RAD54L2: variants seen among roughly 807,000 people sequenced by gnomAD.
RAD54L2 encodes the protein RAD54 like 2, also known as helicase ARIP4.
A neutral mutation model predicts 138.4 loss-of-function variants in RAD54L2; 27 were observed. The ratio of observed to expected loss-of-function variants is 0.20; its 90% CI spans 0.14 to 0.27. The LOEUF is 0.27. Among genes scored for constraint, RAD54L2 ranks in the 10% least tolerant of loss-of-function variants. RAD54L2 has a pLI of 1.00. For synonymous variants in RAD54L2, 644 were observed against 723.2 expected, an observed-to-expected ratio of 0.89 and a Z score of 1.76; for missense variants, 1,396 against 1,890.2, an observed-to-expected ratio of 0.74 and a Z score of 4.85.
intron 2 of RAD54L2, among the ~76,000 whole-genome samples, chr3:51,561,104 C>T (rs778555679): frequency 6.6e-6 from 1 of 152,186 alleles, no homozygotes; most frequent in Non-Finnish European, 1.5e-5. Context: ...CCAGGTTGCC[C>T]TATGTTCTTG....
chr3:51,582,718 G>C (rs932542982), intron 2 of RAD54L2, among the ~76,000 whole-genome samples: 16 of 151,916 alleles, frequency 1.1e-4, no homozygotes, highest in Non-Finnish European at 2.2e-4. Context: ...TCCTGTAGGG[G>C]TGTGCTATTC....
intron 22 of RAD54L2, among the ~76,000 whole-genome samples, chr3:51,660,850 G>A (rs767330673): frequency 4.5e-4 from 68 of 151,736 alleles, no homozygotes; most frequent in Middle Eastern, 3.2e-3. Flanking sequence ...TCGAACTCCT[G>A]ACCTCGGGAT....
intron 2 of RAD54L2, among the ~76,000 whole-genome samples, chr3:51,561,623 G>C (rs1320912824): frequency 1.3e-5 from 2 of 151,142 alleles, no homozygotes; most frequent in East Asian, 3.9e-4. Flanking sequence ...GTGCAGTGTT[G>C]CAATCACGGC....
chr3:51,556,605 TC>T (rs1308588304), intron 2 of RAD54L2, among the ~76,000 whole-genome samples: 4 of 151,976 alleles, frequency 2.6e-5, no homozygotes, highest in African/African-American at 9.7e-5. Flanking sequence ...AGACAGAGTT[TC>T]GCTCTTGTTG....
At chr3:51,582,054 G>A (rs899498260) in intron 2 of RAD54L2, among the ~76,000 whole-genome samples, 1 of 151,920 alleles carries the variant, frequency 6.6e-6, no homozygotes, top group Admixed American at 6.6e-5. Context: ...CTATAGGTGG[G>A]CACTAGCATG....
At chr3:51,630,986 C>T (rs1559643824) in intron 7 of RAD54L2, 55 bp downstream of exon 7, 1 of 1,507,900 alleles carries the variant, frequency 6.6e-7, no homozygotes, top group African/African-American at 1.4e-5. Flanking sequence ...TTGTTGTGAA[C>T]ATTGCCTGCT....
At chr3:51,620,069 T>C (rs975142195) in intron 3 of RAD54L2, among the ~76,000 whole-genome samples, 1 of 151,894 alleles carries the variant, frequency 6.6e-6, no homozygotes, top group Non-Finnish European at 1.5e-5. Context: ...AGGAGAAATA[T>C]GGTGAGACTT....
intron 21 of RAD54L2, 27 bp downstream of exon 21, chr3:51,657,696 C>A (rs1453818595): frequency 8.8e-6 from 13 of 1,480,894 alleles, no homozygotes; most frequent in Non-Finnish European, 1.2e-5. Flanking sequence ...GGACCTGTTC[C>A]CTGCCTTTGG....
intron 16 of RAD54L2, among the ~76,000 whole-genome samples, chr3:51,644,484 T>C (rs941193736): frequency 6.6e-6 from 1 of 151,862 alleles, no homozygotes; most frequent in African/African-American, 2.4e-5. Context: ...AACAACAAAA[T>C]ACCCAAGAGT....
At chr3:51,626,052 A>G (rs939252197) in intron 3 of RAD54L2, among the ~76,000 whole-genome samples, 9 of 151,934 alleles carry the variant, frequency 5.9e-5, no homozygotes, top group African/African-American at 2.2e-4. Flanking sequence ...TTAAAAGCAA[A>G]CAATAAGCCA....
chr3:51,648,538 T>C (rs532777665), intron 19 of RAD54L2, among the ~76,000 whole-genome samples: 1 of 152,186 alleles, frequency 6.6e-6, no homozygotes, highest in East Asian at 1.9e-4. Context: ...TGGGAGACAC[T>C]TCCCAGTAGG....
At chr3:51,580,107 A>T (rs896344674) in intron 2 of RAD54L2, among the ~76,000 whole-genome samples, 10 of 152,136 alleles carry the variant, frequency 6.6e-5, no homozygotes, top group African/African-American at 2.4e-4. Flanking sequence ...CCCCCACTTT[A>T]GACACTAGTC....
In RAD54L2 at chr3:51,638,141, T is replaced by C. The variant is rs774612460; in HGVS notation, c.1683-3T>C. On this transcript the variant is annotated splice_polypyrimidine_tract_variant and splice_region_variant and intron_variant, in intron 11 of 22. Coordinates refer to ENST00000684192, the MANE Select transcript of RAD54L2 (RefSeq NM_015106.4). The surrounding 1 kb of genome is among the most constrained non-coding windows in gnomAD (Gnocchi z 4.3). ...GCCGTTTCTGTTCTGTTTGCCTCCATAGGAGAGGCCACACTGTGCTGAAGA... is the reference window on the plus strand; with the variant it reads ...GCCGTTTCTGTTCTGTTTGCCTCCACAGGAGAGGCCACACTGTGCTGAAGA... 1.5e-5 allele frequency: 24 copies of C among 1,612,882 alleles called. No individual in the cohort carries two copies. Among genetic ancestry groups the C allele is most frequent in the Non-Finnish European group, 1.8e-5 (21 of 1,179,272 alleles).
rs1701814857 is a variant in RAD54L2 at position 51,662,778 on chromosome 3, C to G, written c.3762C>G (p.His1254Gln). 1 of 1,610,844 alleles carries G rather than the reference C, an allele frequency of 6.2e-7. No individual in the cohort carries two copies. The highest frequency in any genetic ancestry group is 1.7e-5 in the Admixed American group (1 of 59,608). The change falls in exon 23 of 23, where the codon CAC becomes CAG. Residue 1254 changes from histidine (H) to glutamine (Q), a missense_variant. Physicochemically the swap from His to Gln is conservative, Grantham distance 24. Around this residue, in one of 7 missense-constraint regions of RAD54L2, gnomAD observed 634 missense variants for 711.2 expected, o/e 0.89. Coordinates refer to ENST00000684192, the MANE Select transcript of RAD54L2 (RefSeq NM_015106.4). This position sits in a 1 kb window ranked among gnomAD's most constrained non-coding sequence, Gnocchi z 4.6. ...ACCCAGTGCTGGACTTAAGGGGCCA[C>G]AAGCGAAAGTTGGCCACACCACCTG... ...DRHPVLDLRG[H>Q]KRKLATPPAA...
chr3:51,629,277 A>G, intron 4 of RAD54L2, 57 bp from the exon 5 acceptor site: 3 of 1,528,638 alleles, frequency 2.0e-6, no homozygotes, highest in Non-Finnish European at 1.8e-6. Flanking sequence ...TTAGCTTGCC[A>G]TTACATTGCC....
chr3:51,574,881 T>C (rs1294060187), intron 2 of RAD54L2, among the ~76,000 whole-genome samples: 1 of 152,250 alleles, frequency 6.6e-6, no homozygotes, highest in Non-Finnish European at 1.5e-5. Context: ...TTGGCTTTTG[T>C]TGCCATTGAT....
intron 3 of RAD54L2, among the ~76,000 whole-genome samples, chr3:51,615,494 G>A (rs1194442680): frequency 6.6e-6 from 1 of 152,096 alleles, no homozygotes; most frequent in Non-Finnish European, 1.5e-5. Context: ...TACTCTAGCG[G>A]CAAAATTTTA....
chr3:51,612,609 C>A (rs1392380475), intron 3 of RAD54L2, among the ~76,000 whole-genome samples: 2 of 151,254 alleles, frequency 1.3e-5, no homozygotes, highest in African/African-American at 4.9e-5. Flanking sequence ...TATACTAATC[C>A]TTTGTTACTT....
At chr3:51,568,555 T>A (rs1392760376) in intron 2 of RAD54L2, among the ~76,000 whole-genome samples, 1 of 152,186 alleles carries the variant, frequency 6.6e-6, no homozygotes, top group Non-Finnish European at 1.5e-5. Context: ...CTAGATAGTC[T>A]GAGACAATGA....
Sources: gnomAD v4.1 joint callset for allele counts (sites outside exome capture counted in the v4.1 genomes callset) on GRCh38, gnomAD v4.1.1 for gene constraint, gnomAD v4.1.1 regional missense constraint, Gnocchi (gnomAD v3.1) non-coding constraint, MANE v1.5 for transcripts, NCBI Gene and HGNC (gene_info 2026-07-23, HGNC 2026-07-21) for gene names.